Variants in PRIM2 observed in about 807,000 individuals in gnomAD.
The protein encoded by PRIM2 is DNA primase subunit 2.
In PRIM2, 39 loss-of-function variants were observed where a neutral mutation model predicts 67.3. The ratio of observed to expected loss-of-function variants is 0.58; its 90% CI spans 0.45 to 0.76. The LOEUF (loss-of-function observed/expected upper bound fraction) is 0.76, where lower values mean the gene tolerates loss of function less well. PRIM2 is among the 30% of genes least tolerant of loss of function. PRIM2 has a pLI of 0.00. For missense variants in PRIM2, 398 were observed against 598.7 expected, an observed-to-expected ratio of 0.66 and a Z score of 3.50; for synonymous variants, 143 against 198.7, an observed-to-expected ratio of 0.72 and a Z score of 2.36.
In PRIM2 at chr6:57,357,345, A is replaced by C. The variant is rs1034940748; in HGVS notation, c.460-22556A>C. 2.2e-4 allele frequency among the ~76,000 whole-genome samples: 33 copies of C among 152,114 alleles called. 1 individual carries two copies. Among genetic ancestry groups the C allele is most frequent in the Non-Finnish European group, 5.9e-5 (4 of 68,016 alleles). On this transcript the variant is annotated intron_variant, in intron 5 of 13. Coordinates refer to ENST00000615550, the MANE Select transcript of PRIM2 (RefSeq NM_000947.5). Reference sequence around the variant, plus strand: ...TATTAATATAATGTTAATCTTCAAAATTTGTAATAAGTTACCTCAAGCTCT... The same window carrying C: ...TATTAATATAATGTTAATCTTCAAACTTTGTAATAAGTTACCTCAAGCTCT...
At chr6:57,482,807 C>T (rs1773662539) in intron 7 of PRIM2, among the ~76,000 whole-genome samples, 1 of 152,132 alleles carries the variant, frequency 6.6e-6, no homozygotes, top group Non-Finnish European at 1.5e-5. Context: ...ATTTTATAGA[C>T]TCAAGAGGGA....
rs1384874267 is a variant in PRIM2 at position 57,452,402 on chromosome 6, A to T, written c.694-54985A>T. Among the ~76,000 whole-genome samples, 11 of 152,226 alleles carry T rather than the reference A, an allele frequency of 7.2e-5. No individual in the cohort carries two copies. In the East Asian group the frequency reaches 9.6e-4, roughly 13 times the overall value. The stretch of plus-strand genomic sequence containing the variant: ...TGAACTAGTTTACAGTCCCACCAAC[A>T]GTGTAAAAGTGTTCCTATTTCTCCA... On this transcript the variant is annotated intron_variant, in intron 7 of 13. Coordinates refer to ENST00000615550, the MANE Select transcript of PRIM2 (RefSeq NM_000947.5).
At position 57,439,409 on chromosome 6, in the gene PRIM2, T is replaced by TTG. The variant is rs1371579894; in HGVS notation, c.693+57242_693+57243insGT. The stretch of plus-strand genomic sequence containing the variant: ...GCTTTGAGTAGAGGTACTCTGTTTT[T>TTG]TTTTTTTTTTTTTTTTTTTTTTTTG... On this transcript the variant is annotated intron_variant, in intron 7 of 13. Coordinates refer to ENST00000615550, the MANE Select transcript of PRIM2 (RefSeq NM_000947.5). 3.8e-4 allele frequency among the ~76,000 whole-genome samples: 40 copies of TTG among 104,204 alleles called. 1 individual carries two copies. In the East Asian group the frequency reaches 7.7e-3, roughly 20 times the overall value. The allele number at this position is 104,204 out of a possible 152,430, so 68.4% of individuals were successfully genotyped here.
At chr6:57,331,059 G>A (rs112262270) in intron 5 of PRIM2, among the ~76,000 whole-genome samples, 2,001 of 151,860 alleles carry the variant, frequency 0.013, 38 homozygotes, top group African/African-American at 0.046. Flanking sequence ...GTGGTGGTGC[G>A]TGCCTGTAGT....
the PRIM2 span, among the ~76,000 whole-genome samples, chr6:57,273,822 C>T: frequency 7.8e-3 from 1,187 of 151,220 alleles, 16 homozygotes; most frequent in African/African-American, 0.027. Flanking sequence ...ATGTCCTTCC[C>T]GTTTGTTAGT....
At chr6:57,437,436 C>G (rs1450319329) in intron 7 of PRIM2, among the ~76,000 whole-genome samples, 1 of 152,176 alleles carries the variant, frequency 6.6e-6, no homozygotes, top group Admixed American at 6.5e-5. Context: ...TCTGTTTTCA[C>G]CTGGTGGGCT....
the PRIM2 span, among the ~76,000 whole-genome samples, chr6:57,279,280 T>G: frequency 1.3e-5 from 2 of 152,206 alleles, no homozygotes; most frequent in Non-Finnish European, 2.9e-5. Flanking sequence ...TGCTTTTTTC[T>G]TTTTTTAACT....
chr6:57,481,658 C>T (rs1243280542), intron 7 of PRIM2, among the ~76,000 whole-genome samples: 2 of 151,984 alleles, frequency 1.3e-5, no homozygotes, highest in Admixed American at 6.5e-5. Flanking sequence ...TTGCATATTC[C>T]ATTTTTAAAG....
upstream of PRIM2, among the ~76,000 whole-genome samples, chr6:57,310,038 T>G (rs1340070793): frequency 6.6e-6 from 1 of 151,998 alleles, no homozygotes; most frequent in Non-Finnish European, 1.5e-5. Context: ...TTTCGCAACC[T>G]ACTCATCTGA....
chr6:57,492,297 C>T (rs1312563174), intron 7 of PRIM2, among the ~76,000 whole-genome samples: 1 of 152,154 alleles, frequency 6.6e-6, no homozygotes, highest in Admixed American at 6.5e-5. Flanking sequence ...AATCCCAGCA[C>T]TTTGGGAGGC....
intron 5 of PRIM2, among the ~76,000 whole-genome samples, chr6:57,344,005 G>A (rs1768588025): frequency 2.6e-5 from 4 of 152,100 alleles, no homozygotes; most frequent in African/African-American, 9.7e-5. Context: ...GAAGGGTGGG[G>A]GATTTTCCCT....
intron 7 of PRIM2, among the ~76,000 whole-genome samples, chr6:57,385,810 C>T: frequency 6.6e-6 from 1 of 152,176 alleles, no homozygotes; most frequent in East Asian, 1.9e-4. Flanking sequence ...AGTACTGTAA[C>T]AGAAGTTATG....
rs1171820275 is a variant in PRIM2, at chr6:57,379,932, A to G, written c.491A>G (p.Gln164Arg). 6.4e-7 allele frequency: 1 copy of G among 1,556,048 alleles called. No homozygotes were observed. The highest frequency in any genetic ancestry group is 8.7e-7 in the Non-Finnish European group (1 of 1,148,848). ...GATGAAGAGAAGACTCTTCGAGAAC[A>G]GGAGATTGTTGCCTCATCACCAAGT... ...ISDEEKTLRE[Q>R]EIVASSPSLS... is the part of the protein sequence containing the mutation. Residue 164 changes from glutamine to arginine, a missense_variant, in exon 6 of 14, where the codon CAG (glutamine) becomes CGG (arginine). Physicochemically the swap from Gln to Arg is conservative, Grantham distance 43. This residue lies in a region of PRIM2 where 229 missense variants were observed against 383.6 expected (regional missense o/e 0.60). Transcript: ENST00000615550.
chr6:57,604,550 A>G (rs1367142754), intron 11 of PRIM2, among the ~76,000 whole-genome samples: 3 of 152,108 alleles, frequency 2.0e-5, no homozygotes, highest in Non-Finnish European at 4.4e-5. Flanking sequence ...TCCCATTCTC[A>G]AGGGGAATGG....
chr6:57,482,134 A>T (rs1773643480), intron 7 of PRIM2, among the ~76,000 whole-genome samples: 1 of 150,168 alleles, frequency 6.7e-6, no homozygotes, highest in Admixed American at 6.7e-5. Context: ...AAGGGTCAAG[A>T]TATTGTTGAC....
chr6:57,303,878 G>A, the PRIM2 span, among the ~76,000 whole-genome samples: 2 of 152,132 alleles, frequency 1.3e-5, no homozygotes, highest in African/African-American at 4.8e-5. Flanking sequence ...CAAGTGGTCT[G>A]CCTGCCTAGG....
chr6:57,422,158 C>CTTATTTTTTTTTT (rs1771485630), intron 7 of PRIM2, among the ~76,000 whole-genome samples: 1 of 103,318 alleles, frequency 9.7e-6, no homozygotes, highest in Non-Finnish European at 1.9e-5. Flanking sequence ...TCTTTTCTTT[C>CTTATTTTTTTTTT]TTTTTTTTTT....
At chr6:57,540,833 C>T (rs1775133676) in intron 10 of PRIM2, among the ~76,000 whole-genome samples, 1 of 152,230 alleles carries the variant, frequency 6.6e-6, no homozygotes. Flanking sequence ...AATAGCCCCA[C>T]CCTGTTGCTA....
At chr6:57,645,369 AC>A (rs1279831676) in intron 13 of PRIM2, among the ~76,000 whole-genome samples, 2 of 135,984 alleles carry the variant, frequency 1.5e-5, no homozygotes, top group African/African-American at 2.8e-5. Flanking sequence ...ACACACACAC[AC>A]ATTTGTATTC....
Sources: gnomAD v4.1 joint callset for allele counts (sites outside exome capture counted in the v4.1 genomes callset) on GRCh38, gnomAD v4.1.1 for gene constraint, gnomAD v4.1.1 regional missense constraint, MANE v1.5 for transcripts, NCBI Gene and HGNC (gene_info 2026-07-23, HGNC 2026-07-21) for gene names.